Variants in ENOX2 observed in about 807,000 individuals in gnomAD.
ENOX2 encodes APK1 antigen.
A neutral mutation model predicts 45.0 loss-of-function variants in ENOX2; 36 were observed. The ratio of observed to expected loss-of-function variants is 0.80; its 90% CI spans 0.61 to 1.06. The LOEUF (loss-of-function observed/expected upper bound fraction) is 1.06. Among genes scored for constraint, ENOX2 ranks in the 50% least tolerant of loss-of-function variants. The probability of loss-of-function intolerance (pLI) is 0.00; values close to 1 mark genes in which losing one functional copy is unlikely to be tolerated. For missense variants in ENOX2, 423 were observed against 462.5 expected (o/e 0.91, Z 0.78); for synonymous variants, 174 against 152.3 (o/e 1.14, Z -1.05).
intron 2 of ENOX2, among the ~76,000 whole-genome samples, chrX:130,834,371 C>CG (rs2077891537): frequency 9.0e-6 from 1 of 111,211 alleles, no homozygotes; most frequent in Non-Finnish European, 1.9e-5. Flanking sequence ...CACTGGGCTC[C>CG]GGTTTCTGGT....
At position 130,737,456 on chromosome X, in the gene ENOX2, GCA is replaced by G. The variant is rs112463994; in HGVS notation, c.-38-34204_-38-34203del. On this transcript the variant is annotated intron_variant, in intron 3 of 14. Transcript: ENST00000394363. ...TTACTTATTGCATGCGCGTGCGCAC[GCA>G]CACACACACACACACACACACAACT... Among the ~76,000 whole-genome samples, 174 of 106,719 alleles carry G rather than the reference GCA, an allele frequency of 1.6e-3. No individual in the cohort carries two copies. The East Asian group carries it at 0.02, about 12-fold the overall frequency. 92.7% of individuals were successfully genotyped at this position (106,719 alleles called of 115,157 possible).
intron 3 of ENOX2, among the ~76,000 whole-genome samples, chrX:130,779,914 G>A (rs1159950589): frequency 9.0e-6 from 1 of 111,416 alleles, no homozygotes; most frequent in Admixed American, 9.5e-5. Flanking sequence ...TTTAATGACC[G>A]ATATATTTCA....
intron 2 of ENOX2, among the ~76,000 whole-genome samples, chrX:130,818,756 G>A (rs2077536944): frequency 1.8e-5 from 2 of 111,962 alleles, no homozygotes; most frequent in South Asian, 7.3e-4. Flanking sequence ...ACTCAAGATG[G>A]ATTAAAGACT....
At chrX:130,833,664 C>T (rs12393233) in intron 2 of ENOX2, among the ~76,000 whole-genome samples, 10,152 of 110,498 alleles carry the variant, frequency 0.092, 800 homozygotes, top group African/African-American at 0.26. Context: ...AAAGGATATC[C>T]GAAAAATGAA....
At chrX:130,766,072 C>A (rs1394661901) in intron 3 of ENOX2, among the ~76,000 whole-genome samples, 1 of 111,315 alleles carries the variant, frequency 9.0e-6, no homozygotes, top group African/African-American at 3.3e-5. Flanking sequence ...TGTCTTAAGG[C>A]ATTAGTACTT....
rs751821005 is a variant in ENOX2, at chrX:130,826,517, C to T, written c.-182-42827G>A. Among the ~76,000 whole-genome samples the T allele has an allele frequency of 1.9e-4, 21 of 111,889 alleles. No individual in the cohort carries two copies. The South Asian group carries it at 7.5e-3, about 40-fold the overall frequency. On this transcript the variant is annotated intron_variant, in intron 2 of 14. Transcript: ENST00000394363. ...TTACCATGGCCCTCTGTTAATTATA[C>T]ACAACATTCTCTACTTTCCTTGTGA...
In ENOX2 at chrX:130,897,863, T is replaced by C. The variant is rs5977388; in HGVS notation, c.-183+3821A>G. 5.3e-3 allele frequency among the ~76,000 whole-genome samples: 590 copies of C among 112,018 alleles called. 5 individuals are homozygous for C. Among genetic ancestry groups the C allele is most frequent in the African/African-American group, 0.018 (554 of 30,789 alleles). ...TAGATTTGTGATTTACAAAAATCAT[T>C]CTGTCAGCATTGGTAAAGAGTAGAC... On this transcript the variant is annotated intron_variant, in intron 2 of 14. Transcript: ENST00000394363.
At chrX:130,890,538 C>T (rs2078970076) in intron 2 of ENOX2, among the ~76,000 whole-genome samples, 1 of 112,265 alleles carries the variant, frequency 8.9e-6, no homozygotes, top group African/African-American at 3.2e-5. Flanking sequence ...TGAACTTAAA[C>T]GGGAAGACAC....
chrX:130,743,256 C>T (rs1207844009), intron 3 of ENOX2, among the ~76,000 whole-genome samples: 3 of 111,774 alleles, frequency 2.7e-5, no homozygotes, highest in African/African-American at 9.8e-5. Flanking sequence ...GCAACTTTAA[C>T]ATGAGCCAAC....
intron 2 of ENOX2, among the ~76,000 whole-genome samples, chrX:130,845,409 G>A (rs2078083459): frequency 8.9e-6 from 1 of 112,713 alleles, no homozygotes; most frequent in South Asian, 3.7e-4. Flanking sequence ...CTCTTTCAGT[G>A]CAAAGAAGAG....
At chrX:130,781,028 T>C (rs764435119) in intron 3 of ENOX2, among the ~76,000 whole-genome samples, 1 of 112,087 alleles carries the variant, frequency 8.9e-6, no homozygotes, top group Admixed American at 9.5e-5. Context: ...ATATCTTCCC[T>C]CTTCCTTTTG....
intron 2 of ENOX2, among the ~76,000 whole-genome samples, chrX:130,802,977 T>C (rs187022525): frequency 3.3e-3 from 368 of 111,997 alleles, no homozygotes; most frequent in African/African-American, 0.011. Flanking sequence ...AAGCCCGTTA[T>C]GCCATGATAC....
intron 6 of ENOX2, among the ~76,000 whole-genome samples, chrX:130,678,059 C>G (rs2037202312): frequency 1.8e-5 from 2 of 108,233 alleles, no homozygotes; most frequent in African/African-American, 6.8e-5. Context: ...TGCACTCCAG[C>G]CTGGGCGACA....
chrX:130,682,517 G>C (rs902930678), intron 5 of ENOX2, among the ~76,000 whole-genome samples: 4 of 97,761 alleles, frequency 4.1e-5, no homozygotes, highest in Non-Finnish European at 6.0e-5. Context: ...CTGGGAGGCG[G>C]AGCTTGCAGT....
intron 10 of ENOX2, among the ~76,000 whole-genome samples, chrX:130,640,784 G>A (rs1022833086): frequency 9.0e-6 from 1 of 111,348 alleles, no homozygotes; most frequent in Non-Finnish European, 1.9e-5. Flanking sequence ...GAGAGCATCA[G>A]GAAAAACAGC....
intron 3 of ENOX2, among the ~76,000 whole-genome samples, chrX:130,764,328 T>C (rs1474699898): frequency 9.0e-6 from 1 of 111,049 alleles, no homozygotes; most frequent in Non-Finnish European, 1.9e-5. Context: ...TAAAGGGACA[T>C]ATATAACCTA....
At chrX:130,885,996 C>T (rs941187687) in intron 2 of ENOX2, among the ~76,000 whole-genome samples, 2 of 112,346 alleles carry the variant, frequency 1.8e-5, no homozygotes, top group African/African-American at 6.5e-5. Context: ...AACTTTCCAA[C>T]ACTTAGCAGA....
chrX:130,740,823 G>A, intron 3 of ENOX2, among the ~76,000 whole-genome samples: 1 of 111,917 alleles, frequency 8.9e-6, no homozygotes, highest in Non-Finnish European at 1.9e-5. Flanking sequence ...CATAACAATG[G>A]TTAAGAGCTT....
intron 3 of ENOX2, among the ~76,000 whole-genome samples, chrX:130,760,398 T>A (rs1162271414): frequency 9.0e-6 from 1 of 111,069 alleles, no homozygotes; most frequent in Non-Finnish European, 1.9e-5. Context: ...TGAATAAGAG[T>A]GTATATCCTT....
Sources: allele counts gnomAD v4.1 joint callset (sites outside exome capture counted in the v4.1 genomes callset), GRCh38; gene constraint gnomAD v4.1.1; transcripts MANE v1.5; gene names NCBI Gene and HGNC (gene_info 2026-07-23, HGNC 2026-07-21).